Variants in GGA1 observed in about 807,000 individuals in gnomAD.
GGA1 encodes golgi associated, gamma adaptin ear containing, ARF binding protein 1, also known as ADP-ribosylation factor-binding protein GGA1.
GGA1 carries 18 observed loss-of-function variants against 76.9 expected under a neutral mutation model. That is an observed-to-expected ratio of 0.23 (90% CI 0.16 to 0.35). GGA1 has a LOEUF of 0.35. GGA1 is among the 10% of genes least tolerant of loss of function. The pLI, the probability that GGA1 is intolerant of heterozygous loss-of-function variation, is 1.00. For missense variants in GGA1, 755 were observed against 859.0 expected (o/e 0.88, Z 1.51); for synonymous variants, 342 against 354.7 (o/e 0.96, Z 0.40).
chr22:37,626,489 C>G (rs1189930555), intron 11 of GGA1: 1 of 152,240 alleles, frequency 6.6e-6, no homozygotes, highest in African/African-American at 2.4e-5. Context: ...CAAAGCGTTC[C>G]CAGCTGCCCA....
chr22:37,611,311 G>A (rs1927529000), intron 1 of GGA1, among the ~76,000 whole-genome samples: 1 of 152,006 alleles, frequency 6.6e-6, no homozygotes, highest in Non-Finnish European at 1.5e-5. Context: ...GCTCAGCTCT[G>A]AGAGCCCTCC....
chr22:37,628,327 A>T (rs942940913), intron 11 of GGA1, among the ~76,000 whole-genome samples: 7 of 152,078 alleles, frequency 4.6e-5, no homozygotes, highest in African/African-American at 1.7e-4. Flanking sequence ...CCTCCCAAAT[A>T]GCTGGGATTA....
At chr22:37,630,207 A>C in intron 13 of GGA1, 37 bp downstream of exon 13, 1 of 1,478,330 alleles carries the variant, frequency 6.8e-7, no homozygotes, top group East Asian at 2.5e-5. Flanking sequence ...GGTGGGGAGC[A>C]CTCCCTGTTC....
At chr22:37,630,314 C>A in intron 13 of GGA1, 144 bp downstream of exon 13, 1 of 624,916 alleles carries the variant, frequency 1.6e-6, no homozygotes, top group Non-Finnish European at 2.7e-6. Flanking sequence ...AGCAGTGCAC[C>A]TGCCTCTGGA....
chr22:37,631,037 A>T lies in GGA1; in HGVS notation c.1466A>T (p.Gln489Leu). 1 of 1,611,678 alleles carries T rather than the reference A, an allele frequency of 6.2e-7. No individual in the cohort carries two copies. ...CCAGAGCCCCCCAGGCCTCCGCAGC[A>T]GCCCGTACCAACCGAGCTCTCACTG... ...VSPEPPRPPQ[Q>L]PVPTELSLAS... is the part of the protein sequence containing the mutation. The change falls in exon 14 of 17, where the codon CAG (glutamine) becomes CTG (leucine). Residue 489 changes from glutamine (Q) to leucine (L), a missense_variant. Transcript: ENST00000343632.
At chr22:37,614,157 C>T (rs375157252) in intron 1 of GGA1, 33 bp from the exon 2 acceptor site, 24 of 1,464,406 alleles carry the variant, frequency 1.6e-5, no homozygotes, top group African/African-American at 5.6e-5. Flanking sequence ...ATCCCACTGC[C>T]GGGCCACAAT....
rs1236267364 is a variant in GGA1 at position 37,624,955 on chromosome 22, C to T, written c.833-14C>T. The T allele has an allele frequency of 6.4e-7, 1 of 1,568,454 alleles. No individual in the cohort carries two copies. The highest frequency in any genetic ancestry group is 8.6e-7 in the Non-Finnish European group (1 of 1,156,694). On this transcript the variant is annotated splice_polypyrimidine_tract_variant and intron_variant, in intron 9 of 16. Coordinates refer to ENST00000343632, the MANE Select transcript of GGA1 (RefSeq NM_013365.5). This position sits in a 1 kb window ranked among gnomAD's most constrained non-coding sequence, Gnocchi z 4.3. ...AGTCCTTCAGCCTGGCCTCTCCCCT[C>T]CTGCCTGTTCCAGCGGAGATCCTGC...
intron 11 of GGA1, 133 bp downstream of exon 11, chr22:37,626,082 C>T (rs755668325): frequency 1.0e-4 from 61 of 604,072 alleles, no homozygotes; most frequent in Non-Finnish European, 1.4e-4. Flanking sequence ...GAGCATTAGG[C>T]CCACTTCACA....
intron 7 of GGA1, among the ~76,000 whole-genome samples, chr22:37,622,710 T>G (rs990402577): frequency 6.6e-6 from 1 of 152,210 alleles, no homozygotes; most frequent in African/African-American, 2.4e-5. Context: ...CTGGATGTGG[T>G]GGCTCATGCC....
At position 37,625,194 on chromosome 22, in the gene GGA1, C is replaced by A. The variant is rs905429279; in HGVS notation, c.940+118C>A. On this transcript the variant is annotated intron_variant, in intron 10 of 16. Transcript: ENST00000343632. The surrounding 1 kb of genome is among the most constrained non-coding windows in gnomAD (Gnocchi z 4.1). ...ATGACTGCCAGGGTGACCCTGGCCCCTTAAGATGGGGAAGGCCCCAGGGAG... is the reference window on the plus strand; with the variant it reads ...ATGACTGCCAGGGTGACCCTGGCCCATTAAGATGGGGAAGGCCCCAGGGAG... 52 of 909,926 alleles carry A rather than the reference C, an allele frequency of 5.7e-5. No individual in the cohort carries two copies. Among genetic ancestry groups the A allele is most frequent in the Middle Eastern group, 6.9e-4 (2 of 2,882 alleles). The allele number at this position is 909,926 out of a possible 1,614,324, so 56.4% of individuals were successfully genotyped here. A position where few individuals can be genotyped will look rare whatever the true frequency, so the allele number is the denominator to read the frequency against.
intron 1 of GGA1, among the ~76,000 whole-genome samples, chr22:37,610,958 C>T (rs1003920470): frequency 6.6e-6 from 1 of 152,236 alleles, no homozygotes; most frequent in Non-Finnish European, 1.5e-5. Flanking sequence ...GCTTCCTCTT[C>T]ACTGGCGTCT....
chr22:37,624,773 T>G lies in GGA1; in HGVS notation c.833-196T>G, dbSNP rs1192044713. The G allele has an allele frequency of 1.4e-5, 9 of 644,570 alleles. No homozygotes were observed. The highest frequency in any genetic ancestry group is 1.9e-5 in the South Asian group (1 of 52,102). 39.9% of individuals were successfully genotyped at this position (644,570 alleles called of 1,614,324 possible). A position where few individuals can be genotyped will look rare whatever the true frequency, so the allele number is the denominator to read the frequency against. ...ACAGCCCAGGCAGTATGGCAGGGAG[T>G]GAATGAGGGAAGGGTGGGAGGTGAG... On this transcript the variant is annotated intron_variant, in intron 9 of 16. Coordinates refer to ENST00000343632, the MANE Select transcript of GGA1 (RefSeq NM_013365.5). The surrounding 1 kb of genome is among the most constrained non-coding windows in gnomAD (Gnocchi z 4.3).
chr22:37,618,644 C>A, intron 4 of GGA1, 98 bp downstream of exon 4: 1 of 711,184 alleles, frequency 1.4e-6, no homozygotes, highest in South Asian at 1.6e-5. Flanking sequence ...GGGAGCCTCC[C>A]ACTGGGGTGT....
chr22:37,627,781 A>T (rs1048705412), intron 11 of GGA1, among the ~76,000 whole-genome samples: 1 of 152,222 alleles, frequency 6.6e-6, no homozygotes, highest in African/African-American at 2.4e-5. Flanking sequence ...CGGAAGTGCC[A>T]GGGCAGCCTG....
chr22:37,620,127 C>G, intron 4 of GGA1, 111 bp from the exon 5 acceptor site: 2 of 1,246,636 alleles, frequency 1.6e-6, no homozygotes, highest in South Asian at 2.6e-5. Flanking sequence ...ACCCTGTAGG[C>G]TAGAGGGCTT....
At position 37,632,207 on chromosome 22, in the gene GGA1, G is replaced by C; in HGVS notation, c.1698+42G>C. On this transcript the variant is annotated intron_variant, in intron 15 of 16. Transcript: ENST00000343632. This position sits in a 1 kb window ranked among gnomAD's most constrained non-coding sequence, Gnocchi z 5.1. ...ACAGGGCATGCCTCCCTCCTCTCAA[G>C]GCAGGGTGACATGGAGCTGGGTGGG... 1 of 1,576,820 alleles carries C rather than the reference G, an allele frequency of 6.3e-7. No homozygotes were observed. The highest frequency in any genetic ancestry group is 1.1e-5 in the South Asian group (1 of 88,284).
Position 37,624,865 on chromosome 22 carries a change from T to C in GGA1, c.833-104T>C, listed in dbSNP as rs1930524266. ...TGGGCTGTTTCCCTGCCCCTTTCCC[T>C]TCCCCTCACACACAGGCTGTGATGG... On this transcript the variant is annotated intron_variant, in intron 9 of 16. Transcript: ENST00000343632. This position sits in a 1 kb window ranked among gnomAD's most constrained non-coding sequence, Gnocchi z 4.3. The C allele has an allele frequency of 6.8e-7, 1 of 1,465,060 alleles. No homozygotes were observed. Among genetic ancestry groups the C allele is most frequent in the Non-Finnish European group, 9.1e-7 (1 of 1,092,926 alleles). The allele number at this position is 1,465,060 out of a possible 1,614,324, so 90.8% of individuals were successfully genotyped here.
chr22:37,632,412 AGGT>A lies in GGA1; in HGVS notation c.1708_1710del (p.Val570del). The A allele has an allele frequency of 6.2e-7, 1 of 1,608,620 alleles. No individual in the cohort carries two copies. The highest frequency in any genetic ancestry group is 8.5e-7 in the Non-Finnish European group (1 of 1,175,108). On this transcript the variant is annotated inframe_deletion, in exon 16 of 17. Transcript: ENST00000343632. The surrounding 1 kb of genome is among the most constrained non-coding windows in gnomAD (Gnocchi z 5.1). ...CCTGCCATCTGCCCACAGGTTATGA[AGGT>A]GAAGCTGCAGCCACCCTCGGGCACG...
chr22:37,632,827 G>A lies in GGA1; in HGVS notation c.*116G>A. On this transcript the variant is annotated 3_prime_UTR_variant, in exon 17 of 17. Transcript: ENST00000343632. This position sits in a 1 kb window ranked among gnomAD's most constrained non-coding sequence, Gnocchi z 5.1. Reference sequence around the variant, plus strand: ...CCCATGGCCATTCACCCCCAGGCCTGGTGCTTCTCCCCACACCCCTGTAGG... The same window carrying A: ...CCCATGGCCATTCACCCCCAGGCCTAGTGCTTCTCCCCACACCCCTGTAGG... The A allele has an allele frequency of 1.5e-6, 1 of 673,300 alleles. No homozygotes were observed. Among genetic ancestry groups the A allele is most frequent in the Non-Finnish European group, 2.7e-6 (1 of 371,056 alleles). The allele number at this position is 673,300 out of a possible 1,614,324, so 41.7% of individuals were successfully genotyped here.
Sources: allele counts gnomAD v4.1 joint callset (sites outside exome capture counted in the v4.1 genomes callset), GRCh38; gene constraint gnomAD v4.1.1; non-coding constraint Gnocchi (gnomAD v3.1); transcripts MANE v1.5; gene names NCBI Gene and HGNC (gene_info 2026-07-23, HGNC 2026-07-21).